Variants in SCAPER observed in about 807,000 individuals in gnomAD.
The protein encoded by SCAPER is S-phase cyclin A associated protein in the ER.
A neutral mutation model predicts 182.2 loss-of-function variants in SCAPER; 98 were observed. The observed-to-expected ratio is 0.54, with a 90% CI of 0.46 to 0.64. SCAPER has a LOEUF of 0.64. Among genes scored for constraint, SCAPER ranks in the 30% least tolerant of loss-of-function variants. SCAPER has a pLI of 0.00. For synonymous variants in SCAPER, 605 were observed against 564.6 expected, an observed-to-expected ratio of 1.07 and a Z score of -1.01; for missense variants, 1,432 against 1,690.0, an observed-to-expected ratio of 0.85 and a Z score of 2.68.
chr15:76,371,317 CTCT>C (rs1269173729), intron 29 of SCAPER, among the ~76,000 whole-genome samples: 2 of 146,454 alleles, frequency 1.4e-5, no homozygotes, highest in Non-Finnish European at 3.1e-5. Flanking sequence ...TTCTCTCTCT[CTCT>C]TTTTTTTTTT....
In SCAPER at chr15:76,572,143, T is replaced by C. The variant is rs963338048; in HGVS notation, c.2838+2015A>G. Among the ~76,000 whole-genome samples the C allele has an allele frequency of 4.6e-5, 7 of 152,264 alleles. No homozygotes were observed. The East Asian group carries it at 1.4e-3, about 29-fold the overall frequency. ...ATTGCCCCTTTGTGAAGGAAATAAC[T>C]TTAGGTAAATTTTCATACTGAATAC... On this transcript the variant is annotated intron_variant, in intron 23 of 31. Coordinates refer to ENST00000563290, the MANE Select transcript of SCAPER (RefSeq NM_020843.4).
intron 17 of SCAPER, among the ~76,000 whole-genome samples, chr15:76,721,741 G>A (rs1177302050): frequency 6.6e-6 from 1 of 152,014 alleles, no homozygotes; most frequent in Non-Finnish European, 1.5e-5. Context: ...TGTTATTGGT[G>A]TATAAGAATG....
rs2047321261 is a variant in SCAPER at position 76,569,975 on chromosome 15, C to A, written c.2838+4183G>T. On this transcript the variant is annotated intron_variant, in intron 23 of 31. Coordinates refer to ENST00000563290, the MANE Select transcript of SCAPER (RefSeq NM_020843.4). ...TTCTATTGGTTTTTATGCATGTTGT[C>A]TTGTCCCTTTGTATGCTTAATTACC... is the stretch of plus-strand genomic sequence containing the variant. Among the ~76,000 whole-genome samples, 4 of 152,198 alleles carry A rather than the reference C, an allele frequency of 2.6e-5. No individual in the cohort carries two copies. The South Asian group carries it at 8.3e-4, about 32-fold the overall frequency.
At chr15:76,845,907 C>T (rs1328700396) in intron 4 of SCAPER, among the ~76,000 whole-genome samples, 2 of 151,640 alleles carry the variant, frequency 1.3e-5, no homozygotes, top group African/African-American at 4.8e-5. Context: ...ACGAAAAGAA[C>T]AAAACTAGAG....
chr15:76,397,005 G>A (rs968451496), intron 27 of SCAPER, among the ~76,000 whole-genome samples: 1 of 142,356 alleles, frequency 7.0e-6, no homozygotes. Flanking sequence ...AATTTTTTGA[G>A]AGTTTTTTTT....
intron 22 of SCAPER, among the ~76,000 whole-genome samples, chr15:76,610,438 A>G (rs184929158): frequency 8.5e-5 from 13 of 152,362 alleles, no homozygotes; most frequent in Non-Finnish European, 1.6e-4. Flanking sequence ...ACTCCTAACC[A>G]GAGCAATTAA....
At chr15:76,507,166 G>A (rs1015941241) in intron 23 of SCAPER, among the ~76,000 whole-genome samples, 2 of 152,216 alleles carry the variant, frequency 1.3e-5, no homozygotes, top group South Asian at 4.2e-4. Context: ...TTAAAAGTGA[G>A]GCCGTTAGAG....
intron 23 of SCAPER, among the ~76,000 whole-genome samples, chr15:76,510,680 AAAGTAG>A (rs2041947871): frequency 6.6e-6 from 1 of 152,234 alleles, no homozygotes; most frequent in Admixed American, 6.5e-5. Context: ...TAAAGAACTA[AAAGTAG>A]AAGTACCATT....
chr15:76,754,407 A>G (rs550587059), intron 14 of SCAPER, among the ~76,000 whole-genome samples: 74 of 152,208 alleles, frequency 4.9e-4, no homozygotes, highest in African/African-American at 1.7e-3. Flanking sequence ...AAAAATAAGT[A>G]ATTTTATCCT....
At position 76,862,409 on chromosome 15, in the gene SCAPER, T is replaced by C. The variant is rs759918187; in HGVS notation, c.124+7A>G. 4 of 1,566,864 alleles carry C rather than the reference T, an allele frequency of 2.6e-6. No homozygotes were observed. Among genetic ancestry groups the C allele is most frequent in the Non-Finnish European group, 3.5e-6 (4 of 1,139,178 alleles). Reference sequence around the variant, plus strand: ...ACAAAAATGAAACTAATTTTTTAAATACATACCATCATCATCTTTGCTTTC... The same window carrying C: ...ACAAAAATGAAACTAATTTTTTAAACACATACCATCATCATCTTTGCTTTC... On this transcript the variant is annotated splice_region_variant and intron_variant, in intron 3 of 31. Coordinates refer to ENST00000563290, the MANE Select transcript of SCAPER (RefSeq NM_020843.4).
intron 18 of SCAPER, among the ~76,000 whole-genome samples, chr15:76,703,277 C>T (rs1334320114): frequency 6.6e-6 from 1 of 152,168 alleles, no homozygotes; most frequent in Non-Finnish European, 1.5e-5. Flanking sequence ...TAAAACTAAA[C>T]AGGTTTTTAA....
intron 15 of SCAPER, among the ~76,000 whole-genome samples, chr15:76,748,811 A>G (rs918229127): frequency 6.6e-6 from 1 of 152,034 alleles, no homozygotes; most frequent in African/African-American, 2.4e-5. Flanking sequence ...AAATTATATA[A>G]TAGAAACAGA....
At chr15:76,728,775 T>A in intron 16 of SCAPER, 38 bp from the exon 17 acceptor site, 1 of 1,570,682 alleles carries the variant, frequency 6.4e-7, no homozygotes, top group Non-Finnish European at 8.6e-7. Context: ...ATTAGAATTA[T>A]GTGTAAAATA....
At chr15:76,840,311 T>C (rs2069347299) in intron 5 of SCAPER, among the ~76,000 whole-genome samples, 1 of 151,362 alleles carries the variant, frequency 6.6e-6, no homozygotes, top group Non-Finnish European at 1.5e-5. Flanking sequence ...TCCCAGCTAC[T>C]CAGGAGGCTG....
chr15:76,888,242 G>A (rs2073963684), intron 1 of SCAPER, among the ~76,000 whole-genome samples: 1 of 152,220 alleles, frequency 6.6e-6, no homozygotes, highest in South Asian at 2.1e-4. Context: ...CAGAAAAGCT[G>A]AAAATTCTAA....
chr15:76,577,261 C>T (rs557221960), intron 22 of SCAPER, among the ~76,000 whole-genome samples: 1 of 152,182 alleles, frequency 6.6e-6, no homozygotes, highest in East Asian at 1.9e-4. Flanking sequence ...GCCTGGGCAA[C>T]ATGGTGAAAG....
intron 27 of SCAPER, among the ~76,000 whole-genome samples, chr15:76,391,563 A>C (rs1395371994): frequency 2.0e-5 from 3 of 152,186 alleles, no homozygotes; most frequent in African/African-American, 7.2e-5. Context: ...TTGGATGCCT[A>C]TTTCCTAACT....
chr15:76,423,091 T>G (rs1487702964), intron 26 of SCAPER, among the ~76,000 whole-genome samples: 2 of 152,160 alleles, frequency 1.3e-5, no homozygotes, highest in Non-Finnish European at 2.9e-5. Flanking sequence ...CTTTTTTTGT[T>G]GTGTCTCTGC....
intron 21 of SCAPER, among the ~76,000 whole-genome samples, chr15:76,624,240 T>G (rs565347190): frequency 1.4e-3 from 207 of 152,316 alleles, no homozygotes; most frequent in African/African-American, 4.7e-3. Context: ...AGCATTTCTA[T>G]ACACCGATAA....
Sources: gnomAD v4.1 joint callset for allele counts (sites outside exome capture counted in the v4.1 genomes callset) on GRCh38, gnomAD v4.1.1 for gene constraint, MANE v1.5 for transcripts, NCBI Gene and HGNC (gene_info 2026-07-23, HGNC 2026-07-21) for gene names.